The following HIGD1B variants were observed in gnomAD, a reference collection of about 807,000 sequenced individuals.
The protein encoded by HIGD1B is HIG1 domain family member 1B.
In HIGD1B, 9 loss-of-function variants were observed where a neutral mutation model predicts 8.8. That is an observed-to-expected ratio of 1.02 (90% CI 0.62 to 1.78). The LOEUF (loss-of-function observed/expected upper bound fraction) is 1.78, where lower values mean the gene tolerates loss of function less well. HIGD1B is among the 40% of genes most tolerant of loss of function. HIGD1B has a pLI of 0.00. For missense variants in HIGD1B, 126 were observed against 111.8 expected (o/e 1.13, Z -0.57); for synonymous variants, 47 against 38.8 (o/e 1.21, Z -0.78).
At chr17:44,846,750 A>T (rs537950019), upstream of HIGD1B, among the ~76,000 whole-genome samples, 1 of 150,790 alleles carries the variant, frequency 6.6e-6, no homozygotes, top group East Asian at 1.9e-4. Context: ...TTGACACTGC[A>T]CTCCAGCCTG....
At chr17:44,846,824 G>T (rs116386323), upstream of HIGD1B, among the ~76,000 whole-genome samples, 6,744 of 151,506 alleles carry the variant, frequency 0.045, 257 homozygotes, top group South Asian at 0.12. Flanking sequence ...AGAGTTTGCC[G>T]TATGGTTAGG....
In HIGD1B at chr17:44,848,198, T is replaced by C. The variant is rs765495947; in HGVS notation, c.46T>C (p.Cys16Arg). 2.3e-6 allele frequency: 2 copies of C among 872,750 alleles called. No individual in the cohort carries two copies. The highest frequency in any genetic ancestry group is 4.8e-5 in the East Asian group (2 of 41,712). The allele number at this position is 872,750 out of a possible 1,614,324, so 54.1% of individuals were successfully genotyped here. The part of the protein sequence containing the change: ...RWWVPPDDED[C>R]VSEKLLRKTR... ...GTGGGTACCACCTGACGACGAAGAC[T>C]GTGTGTCTGAGAAGCTCCTGAGGAA... is the stretch of plus-strand genomic sequence containing the variant. The change falls in exon 1 of 3, where the codon TGT (cysteine) becomes CGT (arginine). Residue 16 changes from cysteine (C) to arginine (R), a missense_variant. By Grantham distance (180) the Cys-to-Arg change is radical. Coordinates refer to ENST00000253410, the MANE Select transcript of HIGD1B (RefSeq NM_016438.4).
chr17:44,846,810 A>G (rs2050327433), upstream of HIGD1B, among the ~76,000 whole-genome samples: 2 of 151,342 alleles, frequency 1.3e-5, no homozygotes, highest in Non-Finnish European at 2.9e-5. Flanking sequence ...AAGAAAAAGA[A>G]AAGAGAGTTT....
In HIGD1B at chr17:44,850,370, A is replaced by T; in HGVS notation, c.274A>T (p.Met92Leu). The T allele has an allele frequency of 6.2e-7, 1 of 1,613,346 alleles. No homozygotes were observed. The highest frequency in any genetic ancestry group is 8.5e-7 in the Non-Finnish European group (1 of 1,179,564). ...AATGTACAGCGATTACGTCAAGAGG[A>T]TGGCACAGGATGCTGGAGAGAAGTA... ...YTMYSDYVKR[M>L]AQDAGEK Residue 92 changes from methionine (M) to leucine (L), a missense_variant, in exon 3 of 3, where the codon ATG (methionine) becomes TTG (leucine). Transcript: ENST00000253410.
intron 1 of HIGD1B, among the ~76,000 whole-genome samples, chr17:44,848,558 A>G (rs575978249): frequency 1.9e-3 from 283 of 152,230 alleles, no homozygotes; most frequent in Non-Finnish European, 3.6e-3. Flanking sequence ...GCCCTGGTAG[A>G]GTAGGAAAAC....
chr17:44,845,705 G>A (rs1214601083), upstream of HIGD1B, among the ~76,000 whole-genome samples: 2 of 152,010 alleles, frequency 1.3e-5, no homozygotes, highest in African/African-American at 2.4e-5. Context: ...AGGCTGAGCC[G>A]GGTGGATCAC....
chr17:44,845,838 A>T (rs1299179691), upstream of HIGD1B, among the ~76,000 whole-genome samples: 1 of 152,088 alleles, frequency 6.6e-6, no homozygotes, highest in Non-Finnish European at 1.5e-5. Context: ...AGGCTGAGGC[A>T]GGAGAATCAC....
chr17:44,849,068 G>A, intron 1 of HIGD1B, 186 bp from the exon 2 acceptor site: 1 of 588,438 alleles, frequency 1.7e-6, no homozygotes, highest in Non-Finnish European at 2.9e-6. Flanking sequence ...GAGCCACCAT[G>A]CCCCGGCAAC....
chr17:44,850,291 G>A, intron 2 of HIGD1B, 41 bp from the exon 3 acceptor site: 4 of 1,550,438 alleles, frequency 2.6e-6, no homozygotes, highest in Non-Finnish European at 3.5e-6. Flanking sequence ...ACGGGTGAAG[G>A]GTTTGATGCC....
intron 2 of HIGD1B, 77 bp from the exon 3 acceptor site, chr17:44,850,254 AC>A: frequency 1.8e-6 from 2 of 1,133,026 alleles, no homozygotes; most frequent in East Asian, 4.8e-5. Flanking sequence ...CTAGAGGTGA[AC>A]CCCTAGGACG....
At chr17:44,849,116 ACGCCCACCCCC>A in intron 1 of HIGD1B, 127 bp from the exon 2 acceptor site, 2 of 994,730 alleles carry the variant, frequency 2.0e-6, no homozygotes, top group Non-Finnish European at 2.9e-6. Flanking sequence ...GTCCCCCGCA[ACGCCCACCCCC>A]CGCCACCAGA....
upstream of HIGD1B, among the ~76,000 whole-genome samples, chr17:44,846,979 T>C (rs182898567): frequency 6.8e-6 from 1 of 147,360 alleles, no homozygotes; most frequent in East Asian, 2.0e-4. Context: ...ACTAAAAAAA[T>C]ACAAAAAATT....
upstream of HIGD1B, among the ~76,000 whole-genome samples, chr17:44,845,749 T>C (rs371443273): frequency 6.6e-6 from 1 of 151,898 alleles, no homozygotes; most frequent in East Asian, 1.9e-4. Flanking sequence ...CCGGCCAACA[T>C]GGTGAAACCC....
chr17:44,849,094 T>C (rs370993599), intron 1 of HIGD1B, 160 bp from the exon 2 acceptor site: 9 of 719,006 alleles, frequency 1.3e-5, no homozygotes, highest in Admixed American at 9.0e-5. Context: ...AATATTCTAA[T>C]GATCCCCCTA....
intron 2 of HIGD1B, 84 bp downstream of exon 2, chr17:44,849,472 CTG>C (rs1481020676): frequency 1.3e-6 from 2 of 1,525,714 alleles, no homozygotes; most frequent in African/African-American, 2.7e-5. Context: ...ATTAAAAGGA[CTG>C]TGCTTGGCTG....
chr17:44,847,261 G>A (rs1045267027), upstream of HIGD1B, among the ~76,000 whole-genome samples: 39 of 151,742 alleles, frequency 2.6e-4, no homozygotes, highest in African/African-American at 8.5e-4. Context: ...GTGAAACCCC[G>A]TCTCTACTAA....
At chr17:44,849,077 ACAACT>A (rs1371667584) in intron 1 of HIGD1B, 172 bp from the exon 2 acceptor site, 9 of 621,944 alleles carry the variant, frequency 1.4e-5, no homozygotes, top group Non-Finnish European at 2.4e-5. Context: ...TGCCCCGGCA[ACAACT>A]CAATATTCTA....
intron 2 of HIGD1B, 111 bp from the exon 3 acceptor site, chr17:44,850,221 A>C: frequency 1.3e-6 from 1 of 740,742 alleles, no homozygotes; most frequent in Non-Finnish European, 2.2e-6. Flanking sequence ...GATGAGCGGG[A>C]AGCTGGACTC....
Position 44,848,617 on chromosome 17 carries a change from C to T in HIGD1B, c.100+365C>T, listed in dbSNP as rs144922514. 5.9e-3 allele frequency among the ~76,000 whole-genome samples: 896 copies of T among 150,934 alleles called. 9 individuals are homozygous for T. The highest frequency in any genetic ancestry group is 0.021 in the African/African-American group (856 of 41,052). Reference sequence around the variant, plus strand: ...AGCAGTGTGGCTCAAGGGCCCAGGGCGGAGCAAATTGGTGGGGAGGGGCTG... The same window carrying T: ...AGCAGTGTGGCTCAAGGGCCCAGGGTGGAGCAAATTGGTGGGGAGGGGCTG... On this transcript the variant is annotated intron_variant, in intron 1 of 2. Transcript: ENST00000253410.
Sources: allele counts gnomAD v4.1 joint callset (sites outside exome capture counted in the v4.1 genomes callset), GRCh38; gene constraint gnomAD v4.1.1; transcripts MANE v1.5; gene names NCBI Gene and HGNC (gene_info 2026-07-23, HGNC 2026-07-21).